NHP2: variants seen among roughly 807,000 people sequenced by gnomAD.
The protein encoded by NHP2 is H/ACA ribonucleoprotein complex subunit 2.
NHP2 carries 10 observed loss-of-function variants against 16.7 expected under a neutral mutation model. The ratio of observed to expected loss-of-function variants is 0.60; its 90% CI spans 0.37 to 1.01. The LOEUF is 1.01. Among genes scored for constraint, NHP2 ranks in the 50% least tolerant of loss-of-function variants. The probability of loss-of-function intolerance (pLI) is 0.01; values close to 1 mark genes in which losing one functional copy is unlikely to be tolerated. For synonymous variants in NHP2, 87 were observed against 78.9 expected (o/e 1.10, Z -0.54); for missense variants, 184 against 198.3 (o/e 0.93, Z 0.43).
At position 178,153,880 on chromosome 5, in the gene NHP2, T is replaced by C. The variant is rs557489676; in HGVS notation, c.-63A>G. The C allele has an allele frequency of 1.8e-5, 27 of 1,541,180 alleles. No individual in the cohort carries two copies. The South Asian group carries it at 2.7e-4, about 15-fold the overall frequency. On this transcript the variant is annotated 5_prime_UTR_variant, in exon 1 of 4. The change abolishes an upstream ATG in the 5' untranslated region. Transcript: ENST00000274606. ...CCCACGCGGTCCACAGCTTTAGGCA[T>C]CACTTCCAGGTCATCAGCTGCGCGA...
In NHP2 at chr5:178,149,468, G is replaced by A; in HGVS notation, c.*245C>T. The A allele has an allele frequency of 2.1e-6, 1 of 485,648 alleles. No individual in the cohort carries two copies. Among genetic ancestry groups the A allele is most frequent in the Non-Finnish European group, 3.8e-6 (1 of 262,412 alleles). The allele number at this position is 485,648 out of a possible 1,614,324, so 30.1% of individuals were successfully genotyped here. Reference sequence around the variant, plus strand: ...ACACCCACAGACTCACCACATTTTAGTCTTAGCATTTACTTTCCCCACCCC... The same window carrying A: ...ACACCCACAGACTCACCACATTTTAATCTTAGCATTTACTTTCCCCACCCC... On this transcript the variant is annotated 3_prime_UTR_variant, in exon 4 of 4. Transcript: ENST00000274606.
At chr5:178,150,555 AT>A (rs992693371) in intron 3 of NHP2, 9 of 407,956 alleles carry the variant, frequency 2.2e-5, no homozygotes, top group Admixed American at 6.9e-5. Flanking sequence ...AATTAAAAAA[AT>A]TTTTTTTGTA....
chr5:178,153,288 C>A, intron 2 of NHP2: 2 of 658,634 alleles, frequency 3.0e-6, no homozygotes, highest in Non-Finnish European at 5.6e-6. Flanking sequence ...ATTCGCTTCA[C>A]TTTGGAATTC....
At chr5:178,153,447 T>G (rs1446391194) in intron 2 of NHP2, 44 bp downstream of exon 2, 1 of 1,597,186 alleles carries the variant, frequency 6.3e-7, no homozygotes, top group African/African-American at 1.3e-5. Context: ...GATTTCTCCG[T>G]TAACGTTTAG....
chr5:178,151,069 G>C (rs976096553), intron 2 of NHP2, 76 bp from the exon 3 acceptor site: 218 of 1,273,422 alleles, frequency 1.7e-4, no homozygotes, highest in Non-Finnish European at 2.4e-4. Context: ...CCTGGGCTGG[G>C]TCTTAGGGAT....
At chr5:178,150,824 G>A in intron 3 of NHP2, 64 bp downstream of exon 3, 1 of 1,053,156 alleles carries the variant, frequency 9.5e-7, no homozygotes, top group Non-Finnish European at 1.5e-6. Context: ...ACACTCTCCT[G>A]CTATGGCAGA....
rs749011790 is a variant in NHP2 at position 178,153,522 on chromosome 5, C to T, written c.199G>A (p.Val67Ile). 1.9e-6 allele frequency: 3 copies of T among 1,614,184 alleles called. No individual in the cohort carries two copies. Among genetic ancestry groups the T allele is most frequent in the East Asian group, 2.2e-5 (1 of 44,872 alleles). ...QKQIRRGVKE[V>I]QKFVNKGEKG... ...TCTCCTTTGTTGACAAATTTCTGAA[C>T]CTCTTTCACCCCGCGCCGAATCTGC... Residue 67 changes from valine (V) to isoleucine (I), a missense_variant, in exon 2 of 4, where the codon GTT becomes ATT. Transcript: ENST00000274606.
rs758575292 is a variant in NHP2, at chr5:178,153,847, G to A, written c.-30C>T. ...GCGGCCGCTGAAACCTAGTCCCAGGGAGGCGAGCCCACGCGGTCCACAGCT... is the reference window on the plus strand; with the variant it reads ...GCGGCCGCTGAAACCTAGTCCCAGGAAGGCGAGCCCACGCGGTCCACAGCT... On this transcript the variant is annotated 5_prime_UTR_variant, in exon 1 of 4. Coordinates refer to ENST00000274606, the MANE Select transcript of NHP2 (RefSeq NM_017838.4). 4.1e-5 allele frequency: 66 copies of A among 1,593,140 alleles called. 2 individuals carry two copies. In the South Asian group the frequency reaches 5.9e-4, roughly 14 times the overall value.
At chr5:178,152,249 A>G (rs1214718629) in intron 2 of NHP2, among the ~76,000 whole-genome samples, 1 of 152,188 alleles carries the variant, frequency 6.6e-6, no homozygotes, top group African/African-American at 2.4e-5. Context: ...AATAGCCTCC[A>G]AAGTGCTGAG....
At chr5:178,153,117 T>G (rs1428970248) in intron 2 of NHP2, 2 of 363,398 alleles carry the variant, frequency 5.5e-6, no homozygotes, top group East Asian at 1.4e-4. Flanking sequence ...GTTCAGTTCC[T>G]TAAATACAGA....
Position 178,149,648 on chromosome 5 carries a change from G to C in NHP2, c.*65C>G. On this transcript the variant is annotated 3_prime_UTR_variant, in exon 4 of 4. Coordinates refer to ENST00000274606, the MANE Select transcript of NHP2 (RefSeq NM_017838.4). The stretch of plus-strand genomic sequence containing the variant: ...GTCAGTGTGGGTGGGCAGGAGGACA[G>C]CCAGTCGTCCTGCTGCCAGCCCAAT... 1 of 1,605,100 alleles carries C rather than the reference G, an allele frequency of 6.2e-7. No individual in the cohort carries two copies. Among genetic ancestry groups the C allele is most frequent in the Non-Finnish European group, 8.5e-7 (1 of 1,175,288 alleles).
chr5:178,153,513 A>G lies in NHP2; in HGVS notation c.208T>C (p.Phe70Leu). ...IRRGVKEVQK[F>L]VNKGEKGIMV... ...TACCCTTTTTCTCCTTTGTTGACAAATTTCTGAACCTCTTTCACCCCGCGC... is the reference window on the plus strand; with the variant it reads ...TACCCTTTTTCTCCTTTGTTGACAAGTTTCTGAACCTCTTTCACCCCGCGC... The change falls in exon 2 of 4, where the codon TTT (phenylalanine) becomes CTT (leucine). Residue 70 changes from phenylalanine (F) to leucine (L), a missense_variant. Transcript: ENST00000274606. The G allele has an allele frequency of 6.2e-7, 1 of 1,614,080 alleles. No individual in the cohort carries two copies. The highest frequency in any genetic ancestry group is 1.1e-5 in the South Asian group (1 of 91,080).
In NHP2 at chr5:178,149,780, T is replaced by A; in HGVS notation, c.395A>T (p.His132Leu). 1.2e-6 allele frequency: 2 copies of A among 1,614,046 alleles called. No individual in the cohort carries two copies. Among genetic ancestry groups the A allele is most frequent in the Non-Finnish European group, 1.7e-6 (2 of 1,179,958 alleles). The change falls in exon 4 of 4, where the codon CAT (histidine) becomes CTT (leucine). Residue 132 changes from histidine (H) to leucine (L), a missense_variant. His to Leu is a moderately conservative substitution (Grantham distance 99). Coordinates refer to ENST00000274606, the MANE Select transcript of NHP2 (RefSeq NM_017838.4). ...RPTCVIMVKP[H>L]EEYQEAYDEC... is the part of the protein sequence containing the mutation. Reference sequence around the variant, plus strand: ...ATCGTAAGCCTCCTGGTACTCCTCATGGGGCTTGACCATTATCACACAGGT... The same window carrying A: ...ATCGTAAGCCTCCTGGTACTCCTCAAGGGGCTTGACCATTATCACACAGGT...
chr5:178,152,923 C>G (rs1581137658), intron 2 of NHP2, among the ~76,000 whole-genome samples: 1 of 152,142 alleles, frequency 6.6e-6, no homozygotes, highest in East Asian at 1.9e-4. Flanking sequence ...TCCTCTGTCT[C>G]TGCAAAACAA....
chr5:178,153,821 A>C lies in NHP2; in HGVS notation c.-4T>G. 1 of 1,604,674 alleles carries C rather than the reference A, an allele frequency of 6.2e-7. No individual in the cohort carries two copies. Among genetic ancestry groups the C allele is most frequent in the Non-Finnish European group, 8.5e-7 (1 of 1,175,922 alleles). On this transcript the variant is annotated 5_prime_UTR_variant, in exon 1 of 4. Coordinates refer to ENST00000274606, the MANE Select transcript of NHP2 (RefSeq NM_017838.4). ...GATCTGCCTTTATTTTGGTCATCGCAGCGGCCGCTGAAACCTAGTCCCAGG... is the reference window on the plus strand; with the variant it reads ...GATCTGCCTTTATTTTGGTCATCGCCGCGGCCGCTGAAACCTAGTCCCAGG...
rs1756204391 is a variant in NHP2 at position 178,149,545 on chromosome 5, A to G, written c.*168T>C. 2 of 729,256 alleles carry G rather than the reference A, an allele frequency of 2.7e-6. No individual in the cohort carries two copies. The highest frequency in any genetic ancestry group is 5.6e-5 in the East Asian group (2 of 35,658). The allele number at this position is 729,256 out of a possible 1,614,324, so 45.2% of individuals were successfully genotyped here. ...ACAGGAAATGGCACTGATGGACAGAAGACTAGCATTACCTTCATGAAAGGG... is the reference window on the plus strand; with the variant it reads ...ACAGGAAATGGCACTGATGGACAGAGGACTAGCATTACCTTCATGAAAGGG... On this transcript the variant is annotated 3_prime_UTR_variant, in exon 4 of 4. Coordinates refer to ENST00000274606, the MANE Select transcript of NHP2 (RefSeq NM_017838.4).
chr5:178,151,161 T>C (rs184639189), intron 2 of NHP2, among the ~76,000 whole-genome samples, 168 bp from the exon 3 acceptor site: 1 of 152,232 alleles, frequency 6.6e-6, no homozygotes, highest in Admixed American at 6.5e-5. Flanking sequence ...ACCAAAGTGA[T>C]GTAGTGCTCG....
Position 178,149,811 on chromosome 5 carries a change from G to A in NHP2, c.364C>T (p.Arg122Cys), listed in dbSNP as rs752392516. ...TTGACCATTATCACACAGGTGGGGC[G>A]CTTGGAGCCTGCGGCTGCACCCAGG... ...TDLGAAAGSK[R>C]PTCVIMVKPH... Residue 122 changes from arginine to cysteine, a missense_variant, in exon 4 of 4, where the codon CGC (arginine) becomes TGC (cysteine). Physicochemically the swap from Arg to Cys is radical, Grantham distance 180. Coordinates refer to ENST00000274606, the MANE Select transcript of NHP2 (RefSeq NM_017838.4). 1.9e-6 allele frequency: 3 copies of A among 1,613,798 alleles called. No individual in the cohort carries two copies. The highest frequency in any genetic ancestry group is 1.1e-5 in the South Asian group (1 of 91,024).
chr5:178,149,960 C>T, intron 3 of NHP2, 122 bp from the exon 4 acceptor site: 1 of 1,093,574 alleles, frequency 9.1e-7, no homozygotes, highest in South Asian at 1.5e-5. Context: ...GGTCCATGTT[C>T]TATTTAAAAG....
Sources: gnomAD v4.1 joint callset for allele counts (sites outside exome capture counted in the v4.1 genomes callset) on GRCh38, gnomAD v4.1.1 for gene constraint, MANE v1.5 for transcripts, NCBI Gene and HGNC (gene_info 2026-07-23, HGNC 2026-07-21) for gene names.